Variants in TMOD1 observed in about 807,000 individuals in gnomAD.
The protein encoded by TMOD1 is tropomodulin 1, also known as tropomodulin-1.
TMOD1 carries 17 observed loss-of-function variants against 40.6 expected under a neutral mutation model. That is an observed-to-expected ratio of 0.42 (90% CI 0.29 to 0.63). The LOEUF is 0.63. Ranked by LOEUF, TMOD1 falls within the 20% of genes least tolerant of loss-of-function variation. The probability of loss-of-function intolerance (pLI) is 0.22; values close to 1 mark genes in which losing one functional copy is unlikely to be tolerated. For synonymous variants in TMOD1, 181 were observed against 175.0 expected (o/e 1.03, Z -0.27); for missense variants, 391 against 447.6 (o/e 0.87, Z 1.14).
intron 8 of TMOD1, among the ~76,000 whole-genome samples, chr9:97,587,664 A>G (rs564464954): frequency 4.6e-5 from 7 of 152,256 alleles, no homozygotes; most frequent in African/African-American, 1.7e-4. Context: ...ATGTATTCAT[A>G]AGGCTCTGCA....
At chr9:97,584,421 G>C (rs554478621) in intron 8 of TMOD1, among the ~76,000 whole-genome samples, 5 of 150,996 alleles carry the variant, frequency 3.3e-5, no homozygotes, top group Admixed American at 2.0e-4. Flanking sequence ...TTACTTCCCA[G>C]TATGTGGTCA....
chr9:97,540,400 T>C (rs1205304391), intron 2 of TMOD1, among the ~76,000 whole-genome samples: 1 of 152,190 alleles, frequency 6.6e-6, no homozygotes, highest in Non-Finnish European at 1.5e-5. Context: ...TCTCTTCTTA[T>C]AGGGACACCA....
chr9:97,516,575 G>A (rs1179098936), intron 1 of TMOD1: 1 of 152,562 alleles, frequency 6.6e-6, no homozygotes, highest in African/African-American at 2.4e-5. Context: ...AGATCATTTG[G>A]AGGCTGAGTT....
At chr9:97,527,566 A>G (rs1016293146) in intron 2 of TMOD1, among the ~76,000 whole-genome samples, 3 of 152,070 alleles carry the variant, frequency 2.0e-5, no homozygotes, top group African/African-American at 7.2e-5. Flanking sequence ...GTAGGGAAGG[A>G]ATTGGGGATG....
chr9:97,538,582 A>G (rs1266813903), intron 2 of TMOD1, among the ~76,000 whole-genome samples: 4 of 152,170 alleles, frequency 2.6e-5, no homozygotes, highest in Non-Finnish European at 5.9e-5. Flanking sequence ...ATGAAAGTGT[A>G]CCTTTAAATG....
rs549917321 is a variant in TMOD1 at position 97,527,697 on chromosome 9, G to A, written c.120+3389G>A. Among the ~76,000 whole-genome samples, 4 of 152,342 alleles carry A rather than the reference G, an allele frequency of 2.6e-5. No homozygotes were observed. The South Asian group carries it at 8.3e-4, about 32-fold the overall frequency. ...GACGGGTTTAGACTTTGCTCAGTGGGTTCAGGGAGCCCTTGAGGGTCAGAG... is the reference window on the plus strand; with the variant it reads ...GACGGGTTTAGACTTTGCTCAGTGGATTCAGGGAGCCCTTGAGGGTCAGAG... On this transcript the variant is annotated intron_variant, in intron 2 of 9. Coordinates refer to ENST00000259365, the MANE Select transcript of TMOD1 (RefSeq NM_003275.4).
At position 97,600,204 on chromosome 9, in the gene TMOD1, T is replaced by A. The variant is rs1826221947; in HGVS notation, c.*506T>A. Reference sequence around the variant, plus strand: ...AAAACCTCGATTAAAGTTGCCAAATTGATTACTGGATCCAGAACACAATTT... The same window carrying A: ...AAAACCTCGATTAAAGTTGCCAAATAGATTACTGGATCCAGAACACAATTT... On this transcript the variant is annotated 3_prime_UTR_variant, in exon 10 of 10. Transcript: ENST00000259365. 1.0e-6 allele frequency: 1 copy of A among 995,378 alleles called. No individual in the cohort carries two copies. The allele number at this position is 995,378 out of a possible 1,614,324, so 61.7% of individuals were successfully genotyped here.
chr9:97,574,018 C>T (rs772475837), intron 8 of TMOD1, among the ~76,000 whole-genome samples: 3 of 152,188 alleles, frequency 2.0e-5, no homozygotes, highest in Non-Finnish European at 4.4e-5. Flanking sequence ...CAGGAGTTGA[C>T]CAGAAAGACC....
At chr9:97,514,303 T>TGG (rs1829765026) in intron 1 of TMOD1, among the ~76,000 whole-genome samples, 1 of 144,294 alleles carries the variant, frequency 6.9e-6, no homozygotes, top group Non-Finnish European at 1.5e-5. Flanking sequence ...TTTTTAGTAA[T>TGG]GACAGGGTTT....
At chr9:97,587,571 T>G (rs77240589) in intron 8 of TMOD1, among the ~76,000 whole-genome samples, 2 of 107,494 alleles carry the variant, frequency 1.9e-5, no homozygotes, top group Non-Finnish European at 2.2e-5. Context: ...TTGTTTGTTT[T>G]TTTTTTACTG....
rs139682701 is a variant in TMOD1 at position 97,559,594 on chromosome 9, G to A, written c.398-3138G>A. 4.3e-4 allele frequency among the ~76,000 whole-genome samples: 65 copies of A among 150,502 alleles called. 1 individual carries two copies. The East Asian group carries it at 0.011, about 26-fold the overall frequency. On this transcript the variant is annotated intron_variant, in intron 4 of 9. Transcript: ENST00000259365. Reference sequence around the variant, plus strand: ...AGCCCGGGCAACATGGTGAAACCCCGTCTCTACTAAAAATACAAAAATTAG... The same window carrying A: ...AGCCCGGGCAACATGGTGAAACCCCATCTCTACTAAAAATACAAAAATTAG...
intron 3 of TMOD1, among the ~76,000 whole-genome samples, chr9:97,547,000 G>C (rs567560406): frequency 1.3e-5 from 2 of 150,428 alleles, no homozygotes; most frequent in South Asian, 4.3e-4. Context: ...TGCAAACCAG[G>C]GACTAGAGAT....
chr9:97,589,446 A>ATT (rs748190964), intron 8 of TMOD1, among the ~76,000 whole-genome samples: 1 of 133,120 alleles, frequency 7.5e-6, no homozygotes, highest in Non-Finnish European at 1.6e-5. Context: ...TACTTTTTGT[A>ATT]TTTTTTTTTT....
rs146294320 is a variant in TMOD1 at position 97,591,410 on chromosome 9, C to T, written c.990C>T (p.Asn330=). The T allele has an allele frequency of 3.1e-4, 497 of 1,614,190 alleles. 1 individual carries two copies. In the African/African-American group the frequency reaches 5.1e-3, roughly 17 times the overall value. ...TQQGPRLRAS[N]AMMNNNDLVR... ...AAGGACCCCGGCTTCGGGCATCCAA[C>T]GCAATGATGAACAACAATGACCTTG... The change falls in exon 9 of 10, where the codon AAC becomes AAT. Residue 330 remains asparagine, a synonymous_variant. Coordinates refer to ENST00000259365, the MANE Select transcript of TMOD1 (RefSeq NM_003275.4).
intron 8 of TMOD1, among the ~76,000 whole-genome samples, chr9:97,576,607 A>T (rs2131277370): frequency 6.6e-6 from 1 of 151,940 alleles, no homozygotes; most frequent in South Asian, 2.1e-4. Context: ...ATAGAAACAC[A>T]ACTCATTGGC....
chr9:97,546,274 C>T lies in TMOD1; in HGVS notation c.210C>T (p.His70=), dbSNP rs764520343. ...GPFKREELLD[H]LEKQAKEFKD... is the part of the protein sequence containing the mutation. ...TTAAAAGAGAGGAGCTCTTGGATCA[C>T]TTGGAAAAGCAAGCAAAGGAGTTTA... is the stretch of plus-strand genomic sequence containing the variant. Residue 70 remains histidine (H), a synonymous_variant, in exon 3 of 10, where the codon CAC becomes CAT. Transcript: ENST00000259365. 23 of 1,613,976 alleles carry T rather than the reference C, an allele frequency of 1.4e-5. No homozygotes were observed. In the South Asian group the frequency reaches 1.8e-4, roughly 12 times the overall value.
Position 97,585,644 on chromosome 9 carries a change from A to G in TMOD1, c.871-5647A>G, listed in dbSNP as rs1369084876. On this transcript the variant is annotated intron_variant, in intron 8 of 9. Coordinates refer to ENST00000259365, the MANE Select transcript of TMOD1 (RefSeq NM_003275.4). ...CTCCCCATCACTTTCAGGTACACCA[A>G]TCAGACGTAGATTTGGTCTTTTCAC... Among the ~76,000 whole-genome samples, 5 of 132,744 alleles carry G rather than the reference A, an allele frequency of 3.8e-5. No individual in the cohort carries two copies. The East Asian group carries it at 8.5e-4, about 23-fold the overall frequency. The allele number at this position is 132,744 out of a possible 152,430, so 87.1% of individuals were successfully genotyped here.
At chr9:97,549,279 C>T (rs916647888) in intron 3 of TMOD1, among the ~76,000 whole-genome samples, 1 of 152,158 alleles carries the variant, frequency 6.6e-6, no homozygotes, top group Non-Finnish European at 1.5e-5. Context: ...TTTCATTCTG[C>T]CACCCCTACA....
chr9:97,516,026 C>G (rs1249859442), intron 1 of TMOD1, among the ~76,000 whole-genome samples: 6 of 152,056 alleles, frequency 3.9e-5, no homozygotes, highest in Non-Finnish European at 7.3e-5. Context: ...AAGCTAAGCC[C>G]CCTCAAACTT....
Sources: allele counts gnomAD v4.1 joint callset (sites outside exome capture counted in the v4.1 genomes callset), GRCh38; gene constraint gnomAD v4.1.1; transcripts MANE v1.5; gene names NCBI Gene and HGNC (gene_info 2026-07-23, HGNC 2026-07-21).